The following ACAP2 variants were observed in gnomAD, a reference collection of about 807,000 sequenced individuals.
The protein encoded by ACAP2 is ArfGAP with coiled-coil, ankyrin repeat and PH domains 2, also known as arf-GAP with coiled-coil, ANK repeat and PH domain-containing protein 2.
A neutral mutation model predicts 115.8 loss-of-function variants in ACAP2; 39 were observed. That is an observed-to-expected ratio of 0.34 (90% confidence interval 0.26 to 0.44). ACAP2 has a LOEUF of 0.44. Among genes scored for constraint, ACAP2 ranks in the 20% least tolerant of loss-of-function variants. ACAP2 has a pLI of 1.00. For synonymous variants in ACAP2, 289 were observed against 315.8 expected (o/e 0.92, Z 0.90); for missense variants, 662 against 927.6 (o/e 0.71, Z 3.72).
intron 18 of ACAP2, among the ~76,000 whole-genome samples, chr3:195,294,406 C>G (rs948273319): frequency 1.3e-5 from 2 of 150,448 alleles, no homozygotes; most frequent in Non-Finnish European, 3.0e-5. Context: ...GGTGAAACCT[C>G]GTCCCTACTA....
chr3:195,425,692 T>C (rs921777134), intron 1 of ACAP2, among the ~76,000 whole-genome samples: 15 of 152,054 alleles, frequency 9.9e-5, no homozygotes, highest in African/African-American at 3.6e-4. Flanking sequence ...TTGACTTTTT[T>C]CCAAAAAAAA....
chr3:195,424,291 T>A (rs1324198822), intron 1 of ACAP2, among the ~76,000 whole-genome samples: 7,093 of 48,124 alleles, frequency 0.15, 194 homozygotes, highest in East Asian at 0.28. Context: ...ATATTTTTTT[T>A]TTTTTTTTTT....
At chr3:195,410,437 T>C (rs1194817010) in intron 1 of ACAP2, among the ~76,000 whole-genome samples, 2 of 152,058 alleles carry the variant, frequency 1.3e-5, no homozygotes, top group African/African-American at 2.4e-5. Flanking sequence ...ACTGAAAAAT[T>C]TTGTGTATCA....
chr3:195,378,055 AGAGGGAGG>A (rs71982948), intron 4 of ACAP2, among the ~76,000 whole-genome samples: 62 of 143,518 alleles, frequency 4.3e-4, no homozygotes, highest in Non-Finnish European at 7.5e-4. Flanking sequence ...GTGAAAAAGA[AGAGGGAGG>A]GAGGGAGGGA....
At chr3:195,359,933 G>C (rs1423458711) in intron 4 of ACAP2, among the ~76,000 whole-genome samples, 1 of 152,056 alleles carries the variant, frequency 6.6e-6, no homozygotes, top group African/African-American at 2.4e-5. Context: ...CATAACACCA[G>C]AGAAAATCAC....
At chr3:195,417,155 C>G (rs1275909776) in intron 1 of ACAP2, among the ~76,000 whole-genome samples, 1 of 141,882 alleles carries the variant, frequency 7.0e-6, no homozygotes, top group Non-Finnish European at 1.5e-5. Context: ...TGGTTGTGAA[C>G]TCCTGGCCTC....
At chr3:195,361,126 TG>T (rs1423618807) in intron 4 of ACAP2, among the ~76,000 whole-genome samples, 1 of 151,848 alleles carries the variant, frequency 6.6e-6, no homozygotes, top group African/African-American at 2.4e-5. Context: ...GACCAGTGGG[TG>T]AATGAATAGA....
At chr3:195,371,559 C>CT (rs1206628942) in intron 4 of ACAP2, among the ~76,000 whole-genome samples, 1 of 152,164 alleles carries the variant, frequency 6.6e-6, no homozygotes, top group Admixed American at 6.5e-5. Flanking sequence ...CTTCTCTTGT[C>CT]TGACTGCTCT....
chr3:195,292,335 T>C lies in ACAP2; in HGVS notation c.1883A>G (p.His628Arg). Residue 628 changes from histidine (H) to arginine (R), a missense_variant, in exon 19 of 23, where the codon CAT (histidine) becomes CGT (arginine). By Grantham distance (29) the His-to-Arg change is conservative. Transcript: ENST00000326793. ...ATTGGCCCAGTTCACGTCTGCACCA[T>C]GAGCCAAAGCCTCAGCCATTTTAGG... ...NLPKMAEALA[H>R]GADVNWANSE... is the part of the protein sequence containing the mutation. 2 of 1,601,338 alleles carry C rather than the reference T, an allele frequency of 1.2e-6. No individual in the cohort carries two copies. Among genetic ancestry groups the C allele is most frequent in the Non-Finnish European group, 1.7e-6 (2 of 1,173,074 alleles).
At chr3:195,378,280 C>G (rs1184531593) in intron 4 of ACAP2, among the ~76,000 whole-genome samples, 3 of 151,850 alleles carry the variant, frequency 2.0e-5, no homozygotes, top group Non-Finnish European at 4.4e-5. Flanking sequence ...ATCACAAGGT[C>G]AAGAGATCGA....
At chr3:195,391,212 G>GA (rs894597654) in intron 2 of ACAP2, among the ~76,000 whole-genome samples, 5 of 146,718 alleles carry the variant, frequency 3.4e-5, no homozygotes, top group East Asian at 2.1e-4. Context: ...AGAAAATACA[G>GA]AAAAAGCTTC....
intron 22 of ACAP2, 60 bp downstream of exon 22, chr3:195,285,736 T>C: frequency 1.5e-6 from 2 of 1,361,574 alleles, no homozygotes; most frequent in Middle Eastern, 1.8e-4. Flanking sequence ...TGTAAACTGA[T>C]AAATTCCTGA....
chr3:195,422,580 T>C (rs781077501), intron 1 of ACAP2, among the ~76,000 whole-genome samples: 7 of 152,098 alleles, frequency 4.6e-5, no homozygotes, highest in African/African-American at 7.2e-5. Flanking sequence ...AAAGTGATTC[T>C]CTTGCCTCAG....
chr3:195,416,500 G>A (rs1713741403), intron 1 of ACAP2, among the ~76,000 whole-genome samples: 2 of 152,232 alleles, frequency 1.3e-5, no homozygotes, highest in Admixed American at 1.3e-4. Context: ...CTCCTATATA[G>A]CTTGTAGGAG....
At chr3:195,309,332 G>A (rs929441150) in intron 10 of ACAP2, among the ~76,000 whole-genome samples, 9 of 152,032 alleles carry the variant, frequency 5.9e-5, no homozygotes, top group Admixed American at 2.6e-4. Context: ...ACCTGAGGTC[G>A]TCAGGAGTTC....
intron 2 of ACAP2, among the ~76,000 whole-genome samples, chr3:195,384,253 T>C (rs1197460632): frequency 6.6e-6 from 1 of 152,174 alleles, no homozygotes; most frequent in South Asian, 2.1e-4. Context: ...TAAATTATGA[T>C]ATAGCCATGA....
chr3:195,405,025 C>T (rs1007704409), intron 1 of ACAP2, among the ~76,000 whole-genome samples: 2 of 151,896 alleles, frequency 1.3e-5, no homozygotes, highest in African/African-American at 4.8e-5. Flanking sequence ...GTCTCGAACT[C>T]CTGATCTCAA....
At chr3:195,429,063 A>C (rs1454348600) in intron 1 of ACAP2, among the ~76,000 whole-genome samples, 2 of 152,208 alleles carry the variant, frequency 1.3e-5, no homozygotes, top group Non-Finnish European at 2.9e-5. Flanking sequence ...TGGTACATTC[A>C]CAAAGAAATA....
intron 6 of ACAP2, among the ~76,000 whole-genome samples, chr3:195,341,082 T>C (rs1730835008): frequency 6.6e-6 from 1 of 152,182 alleles, no homozygotes; most frequent in South Asian, 2.1e-4. Flanking sequence ...CACTATTGTT[T>C]TGTAAAAGGA....
Sources: allele counts gnomAD v4.1 joint callset (sites outside exome capture counted in the v4.1 genomes callset), GRCh38; gene constraint gnomAD v4.1.1; transcripts MANE v1.5; gene names NCBI Gene and HGNC (gene_info 2026-07-23, HGNC 2026-07-21).